The following SLC35D1 variants were observed in gnomAD, a reference collection of about 807,000 sequenced individuals.
SLC35D1 encodes nucleotide sugar transporter SLC35D1.
SLC35D1 carries 31 observed loss-of-function variants against 46.7 expected under a neutral mutation model. The ratio of observed to expected loss-of-function variants is 0.66; its 90% confidence interval spans 0.50 to 0.90. SLC35D1 has a LOEUF of 0.90. SLC35D1 is among the 40% of genes least tolerant of loss of function. The probability of loss-of-function intolerance (pLI) is 0.00; values close to 1 mark genes in which losing one functional copy is unlikely to be tolerated. For synonymous variants in SLC35D1, 195 were observed against 164.6 expected (o/e 1.18, Z -1.41); for missense variants, 397 against 426.2 (o/e 0.93, Z 0.60).
rs1031472500 is a variant in SLC35D1 at position 67,000,430 on chromosome 1, G to A, written c.*3910C>T. On this transcript the variant is annotated 3_prime_UTR_variant, in exon 12 of 12. Transcript: ENST00000235345. ...GAATCACCTGCATCATGTAATGGCC[G>A]TAATTGTGTCCAGCAGATATTTTTA... 3 of 151,860 alleles carry A rather than the reference G, an allele frequency of 2.0e-5. No individual in the cohort carries two copies. Among genetic ancestry groups the A allele is most frequent in the East Asian group, 1.9e-4 (1 of 5,324 alleles). The allele number at this position is 151,860 out of a possible 1,614,324, so 9.4% of individuals were successfully genotyped here. A position where few individuals can be genotyped will look rare whatever the true frequency, so the allele number is the denominator to read the frequency against.
chr1:67,047,895 A>G (rs1409635864), intron 6 of SLC35D1, among the ~76,000 whole-genome samples: 1 of 152,198 alleles, frequency 6.6e-6, no homozygotes, highest in Non-Finnish European at 1.5e-5. Context: ...GAACTCAAAT[A>G]CTTAAACAAT....
intron 8 of SLC35D1, among the ~76,000 whole-genome samples, chr1:67,032,306 ATTG>A (rs1195241340): frequency 2.6e-5 from 4 of 152,196 alleles, no homozygotes; most frequent in African/African-American, 9.6e-5. Flanking sequence ...AATTTGTTTA[ATTG>A]TTATTTTTAA....
the SLC35D1 span, chr1:66,986,941 C>G: frequency 5.6e-4 from 74 of 133,028 alleles, no homozygotes; most frequent in African/African-American, 2.2e-3. Context: ...TGAATTGTTG[C>G]AGTGTTGGAG....
chr1:66,986,085 G>A, the SLC35D1 span: 4 of 1,049,480 alleles, frequency 3.8e-6, no homozygotes, highest in African/African-American at 3.4e-5. Flanking sequence ...TTAGATATTG[G>A]CACACACAAG....
At chr1:67,038,959 T>G (rs1305266215) in intron 8 of SLC35D1, among the ~76,000 whole-genome samples, 1 of 152,158 alleles carries the variant, frequency 6.6e-6, no homozygotes, top group African/African-American at 2.4e-5. Context: ...TACATTCTTA[T>G]GGTAATATAT....
chr1:67,025,450 C>T (rs1425354834), intron 8 of SLC35D1, among the ~76,000 whole-genome samples: 4 of 152,110 alleles, frequency 2.6e-5, no homozygotes, highest in Middle Eastern at 3.2e-3. Flanking sequence ...ACTCTTAATC[C>T]AATATCACAG....
intron 8 of SLC35D1, among the ~76,000 whole-genome samples, chr1:67,031,080 C>T (rs1417413793): frequency 2.0e-5 from 3 of 152,176 alleles, no homozygotes; most frequent in Non-Finnish European, 2.9e-5. Context: ...ATATATACTG[C>T]ACAGTCTCCT....
chr1:66,987,320 AGAACTTTT>A, the SLC35D1 span: 1 of 152,752 alleles, frequency 6.5e-6, no homozygotes, highest in Non-Finnish European at 1.5e-5. Flanking sequence ...AGTACATTTC[AGAACTTTT>A]GAACTTTTGA....
rs765679202 is a variant in SLC35D1, at chr1:67,020,388, G to A, written c.857C>T (p.Thr286Ile). 6.2e-7 allele frequency: 1 copy of A among 1,605,642 alleles called. No homozygotes were observed. The highest frequency in any genetic ancestry group is 8.5e-7 in the Non-Finnish European group (1 of 1,172,414). Residue 286 changes from threonine to isoleucine, a missense_variant, in exon 10 of 12, where the codon ACA becomes ATA. Thr to Ile is a moderately conservative substitution (Grantham distance 89). Coordinates refer to ENST00000235345, the MANE Select transcript of SLC35D1 (RefSeq NM_015139.3). ...ACTTACCTTAATACAGCCAACTATTGTAGTTGTAAGAGCAGAATTATACTG... is the reference window on the plus strand; with the variant it reads ...ACTTACCTTAATACAGCCAACTATTATAGTTGTAAGAGCAGAATTATACTG... ...CTQYNSALTTTIVGCIKNILI... is the reference protein window; with the variant it reads ...CTQYNSALTTIIVGCIKNILI...
the SLC35D1 span, among the ~76,000 whole-genome samples, chr1:66,990,069 A>C: frequency 6.6e-6 from 1 of 152,182 alleles, no homozygotes. Context: ...GTACTCCCTT[A>C]ATCCCCTCTA....
chr1:66,992,499 G>GA, the SLC35D1 span, among the ~76,000 whole-genome samples: 1 of 152,240 alleles, frequency 6.6e-6, no homozygotes, highest in Non-Finnish European at 1.5e-5. Context: ...TTGTCTTACA[G>GA]AAGGGAAAAT....
At position 67,004,314 on chromosome 1, in the gene SLC35D1, AC is replaced by A; in HGVS notation, c.*25del. The A allele has an allele frequency of 6.3e-7, 1 of 1,597,028 alleles. No individual in the cohort carries two copies. Among genetic ancestry groups the A allele is most frequent in the Non-Finnish European group, 8.6e-7 (1 of 1,164,668 alleles). Reference sequence around the variant, plus strand: ...CTGAGTTGATTAAAAACTTAGGCCTACGTATCAGATGAAGCAATCCTCTGGT... The same window carrying A: ...CTGAGTTGATTAAAAACTTAGGCCTAGTATCAGATGAAGCAATCCTCTGGT... On this transcript the variant is annotated 3_prime_UTR_variant, in exon 12 of 12. Transcript: ENST00000235345.
chr1:66,979,404 G>A, the SLC35D1 span, among the ~76,000 whole-genome samples: 1 of 152,146 alleles, frequency 6.6e-6, no homozygotes, highest in Non-Finnish European at 1.5e-5. Context: ...TGTTCACCAG[G>A]ATGAAACACA....
At chr1:67,029,180 AGAG>A (rs984075553) in intron 8 of SLC35D1, among the ~76,000 whole-genome samples, 3 of 152,200 alleles carry the variant, frequency 2.0e-5, no homozygotes, top group Non-Finnish European at 4.4e-5. Context: ...GCCAAACTCA[AGAG>A]AAGACTAAAT....
chr1:67,007,839 G>C (rs147395738), intron 11 of SLC35D1, among the ~76,000 whole-genome samples: 2 of 152,084 alleles, frequency 1.3e-5, no homozygotes, highest in Non-Finnish European at 2.9e-5. Context: ...TTCTAAATCA[G>C]GATCTTCTAC....
At chr1:66,986,618 C>T in the SLC35D1 span, 2 of 660,628 alleles carry the variant, frequency 3.0e-6, no homozygotes, top group Non-Finnish European at 5.2e-6. Flanking sequence ...CCAATGTGAA[C>T]AACTTTTTTT....
intron 8 of SLC35D1, among the ~76,000 whole-genome samples, chr1:67,037,634 A>C (rs1668150828): frequency 6.6e-6 from 1 of 152,210 alleles, no homozygotes; most frequent in Non-Finnish European, 1.5e-5. Flanking sequence ...GAAAAGTTTC[A>C]ATGTCCACTT....
intron 10 of SLC35D1, among the ~76,000 whole-genome samples, chr1:67,011,629 T>A (rs1667567607): frequency 6.6e-6 from 1 of 152,106 alleles, no homozygotes; most frequent in Admixed American, 6.5e-5. Context: ...ACCACAGGTG[T>A]GTGCCACCAT....
intron 8 of SLC35D1, among the ~76,000 whole-genome samples, chr1:67,022,438 G>A (rs1279467344): frequency 6.6e-6 from 1 of 152,208 alleles, no homozygotes; most frequent in Non-Finnish European, 1.5e-5. Context: ...TGCCTGGAAT[G>A]TCCTTCCCCT....
Sources: allele counts gnomAD v4.1 joint callset (sites outside exome capture counted in the v4.1 genomes callset), GRCh38; gene constraint gnomAD v4.1.1; transcripts MANE v1.5; gene names NCBI Gene and HGNC (gene_info 2026-07-23, HGNC 2026-07-21).